The following PPP1R16B variants were observed in gnomAD, a reference collection of about 807,000 sequenced individuals.
The protein encoded by PPP1R16B is protein phosphatase 1 regulatory inhibitor subunit 16B.
Under a neutral mutation model 61.7 loss-of-function variants are expected in PPP1R16B, and 14 were observed. The observed-to-expected ratio is 0.23, with a 90% CI of 0.15 to 0.35. PPP1R16B has a LOEUF of 0.35. PPP1R16B is among the 10% of genes least tolerant of loss of function. The probability of loss-of-function intolerance (pLI) is 1.00; values close to 1 mark genes in which losing one functional copy is unlikely to be tolerated. For missense variants in PPP1R16B, 547 were observed against 752.5 expected, an observed-to-expected ratio of 0.73 and a Z score of 3.19; for synonymous variants, 266 against 305.3, an observed-to-expected ratio of 0.87 and a Z score of 1.34.
intron 2 of PPP1R16B, among the ~76,000 whole-genome samples, chr20:38,863,320 A>C (rs1483145019): frequency 1.3e-5 from 2 of 152,136 alleles, no homozygotes; most frequent in Admixed American, 6.5e-5. Flanking sequence ...TGAAGCATGA[A>C]CTTGGCTGGT....
chr20:38,885,395 T>A (rs1440501772), intron 2 of PPP1R16B, among the ~76,000 whole-genome samples: 1 of 152,196 alleles, frequency 6.6e-6, no homozygotes, highest in Admixed American at 6.6e-5. Context: ...AGGCTTGGCC[T>A]GGGATTGCAG....
chr20:38,862,841 G>C (rs544582989), intron 2 of PPP1R16B, among the ~76,000 whole-genome samples: 1 of 152,308 alleles, frequency 6.6e-6, no homozygotes, highest in East Asian at 1.9e-4. Context: ...ATGGCCTTTG[G>C]AGGCTGTCTG....
intron 2 of PPP1R16B, among the ~76,000 whole-genome samples, chr20:38,843,312 A>C (rs182484118): frequency 1.2e-4 from 19 of 152,350 alleles, no homozygotes; most frequent in Admixed American, 3.3e-4. Context: ...GCCTCACACA[A>C]TTTCTGTGGC....
chr20:38,855,309 T>C (rs1384670377), intron 2 of PPP1R16B, among the ~76,000 whole-genome samples: 2 of 152,000 alleles, frequency 1.3e-5, no homozygotes, highest in Admixed American at 1.3e-4. Flanking sequence ...CTTCTTTAAA[T>C]TGCTTTCTCT....
chr20:38,866,817 T>C (rs1189389465), intron 2 of PPP1R16B, among the ~76,000 whole-genome samples: 1 of 152,156 alleles, frequency 6.6e-6, no homozygotes, highest in Non-Finnish European at 1.5e-5. Context: ...TTTAGTGGCA[T>C]TTAAGTACCT....
Position 38,907,563 on chromosome 20 carries a change from G to A in PPP1R16B, c.899-243G>A, listed in dbSNP as rs958334300. ...TATCAAAGAGCAACATGAATCCCTC[G>A]GTCATAGCTGGGAAGCTTAGGAATT... is the stretch of plus-strand genomic sequence containing the variant. On this transcript the variant is annotated intron_variant, in intron 8 of 10. Transcript: ENST00000299824. The surrounding 1 kb of genome is among the most constrained non-coding windows in gnomAD (Gnocchi z 4.5). 3.3e-5 allele frequency among the ~76,000 whole-genome samples: 5 copies of A among 152,114 alleles called. No individual in the cohort carries two copies. In the East Asian group the frequency reaches 9.6e-4, roughly 29 times the overall value.
chr20:38,836,650 C>T (rs138560686), intron 2 of PPP1R16B, among the ~76,000 whole-genome samples: 3 of 152,184 alleles, frequency 2.0e-5, no homozygotes, highest in African/African-American at 4.8e-5. Flanking sequence ...AGAGCCGCAG[C>T]GCCAGGCCTA....
At chr20:38,908,320 G>A in intron 10 of PPP1R16B, 127 bp downstream of exon 10, 1 of 1,173,596 alleles carries the variant, frequency 8.5e-7, no homozygotes, top group Non-Finnish European at 1.2e-6. Flanking sequence ...CCTTAAACTA[G>A]CATATCCAGT....
intron 3 of PPP1R16B, 116 bp downstream of exon 3, chr20:38,889,781 G>A: frequency 9.2e-7 from 1 of 1,090,444 alleles, no homozygotes; most frequent in Non-Finnish European, 1.4e-6. Context: ...AGGGAGGGAG[G>A]AGGAGCTGCA....
In PPP1R16B at chr20:38,902,724, G is replaced by T. The variant is rs745855682; in HGVS notation, c.628G>T (p.Ala210Ser). ...GGTGGCTCCTGAGCAGCAGATGATT[G>T]CGGACATCCACTGCATGATCGCAGC... Reference protein sequence around the residue: ...MRVAPEQQMIADIHCMIAAGQ... With the variant: ...MRVAPEQQMISDIHCMIAAGQ... The change falls in exon 6 of 11, where the codon GCG (alanine) becomes TCG (serine). Residue 210 changes from alanine (A) to serine (S), a missense_variant. Ala to Ser is a moderately conservative substitution (Grantham distance 99). Coordinates refer to ENST00000299824, the MANE Select transcript of PPP1R16B (RefSeq NM_015568.4). The T allele has an allele frequency of 6.2e-7, 1 of 1,614,244 alleles. No individual in the cohort carries two copies. The highest frequency in any genetic ancestry group is 1.7e-5 in the Admixed American group (1 of 60,032).
rs1006931275 is a variant in PPP1R16B at position 38,916,398 on chromosome 20, A to G, written c.1195-1759A>G. On this transcript the variant is annotated intron_variant, in intron 10 of 10. Transcript: ENST00000299824. ...ATGTACGTTTTATATATATTTATAT[A>G]TGTATGTTATATATAAATATATGTT... Among the ~76,000 whole-genome samples, 99 of 148,338 alleles carry G rather than the reference A, an allele frequency of 6.7e-4. 1 individual carries two copies. Among genetic ancestry groups the G allele is most frequent in the Admixed American group, 6.6e-3 (97 of 14,786 alleles).
chr20:38,889,704 C>T (rs1171570820), intron 3 of PPP1R16B, 39 bp downstream of exon 3: 1 of 1,522,996 alleles, frequency 6.6e-7, no homozygotes, highest in Non-Finnish European at 9.1e-7. Flanking sequence ...GCTCCCTGCC[C>T]CTCACCTGGA....
At chr20:38,882,907 G>A (rs973631373) in intron 2 of PPP1R16B, among the ~76,000 whole-genome samples, 3 of 152,144 alleles carry the variant, frequency 2.0e-5, no homozygotes, top group Non-Finnish European at 2.9e-5. Flanking sequence ...ATCAGAGCTC[G>A]GTTTTTGTTT....
intron 3 of PPP1R16B, among the ~76,000 whole-genome samples, chr20:38,894,329 C>G (rs1464440401): frequency 6.6e-6 from 1 of 152,198 alleles, no homozygotes; most frequent in Non-Finnish European, 1.5e-5. Flanking sequence ...GCCGCTCCTG[C>G]TCCTTCTGTT....
intron 1 of PPP1R16B, among the ~76,000 whole-genome samples, chr20:38,831,723 G>A (rs1366845764): frequency 2.0e-5 from 3 of 152,188 alleles, no homozygotes; most frequent in Non-Finnish European, 4.4e-5. Flanking sequence ...CAGACCCCCC[G>A]ATGTTGGATA....
At chr20:38,849,457 C>T (rs575315619) in intron 2 of PPP1R16B, among the ~76,000 whole-genome samples, 3 of 152,150 alleles carry the variant, frequency 2.0e-5, no homozygotes, top group Non-Finnish European at 2.9e-5. Flanking sequence ...ACTCTGTCTA[C>T]GTTCTTCCCA....
chr20:38,918,360 C>G lies in PPP1R16B; in HGVS notation c.1398C>G (p.Thr466=). Residue 466 remains threonine (T), a synonymous_variant, in exon 11 of 11, where the codon ACC becomes ACG. Coordinates refer to ENST00000299824, the MANE Select transcript of PPP1R16B (RefSeq NM_015568.4). This position sits in a 1 kb window ranked among gnomAD's most constrained non-coding sequence, Gnocchi z 5.3. ...AYGNPGVADA[T]PPWSSYKEQS... Reference sequence around the variant, plus strand: ...GCAACCCTGGCGTGGCCGACGCCACCCCGCCCTGGAGCAGCTACAAGGAAC... The same window carrying G: ...GCAACCCTGGCGTGGCCGACGCCACGCCGCCCTGGAGCAGCTACAAGGAAC... 1 of 1,614,140 alleles carries G rather than the reference C, an allele frequency of 6.2e-7. No individual in the cohort carries two copies. The highest frequency in any genetic ancestry group is 8.5e-7 in the Non-Finnish European group (1 of 1,180,034).
chr20:38,842,265 G>A (rs1429904813), intron 2 of PPP1R16B, among the ~76,000 whole-genome samples: 1 of 152,110 alleles, frequency 6.6e-6, no homozygotes, highest in African/African-American at 2.4e-5. Flanking sequence ...TGTTTGTTTT[G>A]GCCTTAGGCA....
chr20:38,812,763 G>T (rs1169779722), intron 1 of PPP1R16B, among the ~76,000 whole-genome samples: 2 of 152,134 alleles, frequency 1.3e-5, no homozygotes, highest in African/African-American at 2.4e-5. Flanking sequence ...TGTTCTTCTG[G>T]GTCTCTGTAG....
Sources: gnomAD v4.1 joint callset for allele counts (sites outside exome capture counted in the v4.1 genomes callset) on GRCh38, gnomAD v4.1.1 for gene constraint, Gnocchi (gnomAD v3.1) non-coding constraint, MANE v1.5 for transcripts, NCBI Gene and HGNC (gene_info 2026-07-23, HGNC 2026-07-21) for gene names.